GAB2: variants seen among roughly 807,000 people sequenced by gnomAD.
GAB2 encodes GRB2 associated binding protein 2.
A neutral mutation model predicts 65.5 loss-of-function variants in GAB2; 26 were observed. The observed-to-expected ratio is 0.40, with a 90% CI of 0.29 to 0.55. The LOEUF (loss-of-function observed/expected upper bound fraction) is 0.55, where lower values mean the gene tolerates loss of function less well. GAB2 is among the 20% of genes least tolerant of loss of function. The pLI, the probability that GAB2 is intolerant of heterozygous loss-of-function variation, is 0.53. For missense variants in GAB2, 884 were observed against 875.8 expected (o/e 1.01, Z -0.12); for synonymous variants, 321 against 329.6 (o/e 0.97, Z 0.28).
intron 1 of GAB2, among the ~76,000 whole-genome samples, chr11:78,309,722 C>G (rs968640321): frequency 6.6e-6 from 1 of 152,106 alleles, no homozygotes; most frequent in Non-Finnish European, 1.5e-5. Flanking sequence ...TCTTAATTTG[C>G]TTCTCTATTT....
Position 78,218,310 on chromosome 11 carries a change from C to G in GAB2, c.*962G>C, listed in dbSNP as rs1369849937. 1 of 153,140 alleles carries G rather than the reference C, an allele frequency of 6.5e-6. No individual in the cohort carries two copies. The highest frequency in any genetic ancestry group is 2.4e-5 in the African/African-American group (1 of 41,460). 9.5% of individuals were successfully genotyped at this position (153,140 alleles called of 1,614,324 possible). A position where few individuals can be genotyped will look rare whatever the true frequency, so the allele number is the denominator to read the frequency against. On this transcript the variant is annotated 3_prime_UTR_variant, in exon 10 of 10. Coordinates refer to ENST00000361507, the MANE Select transcript of GAB2 (RefSeq NM_080491.3). ...CCACACCACACTCCCTCCCATATTC[C>G]CCACCCCTTTACCATGTGTTCCTGC...
chr11:78,346,720 T>TATA (rs1856195345), intron 1 of GAB2, among the ~76,000 whole-genome samples: 1 of 63,880 alleles, frequency 1.6e-5, no homozygotes, highest in Non-Finnish European at 2.8e-5. Flanking sequence ...TATATATATA[T>TATA]AATTTTTTTT....
intron 1 of GAB2, among the ~76,000 whole-genome samples, chr11:78,407,984 T>C (rs1343275732): frequency 1.3e-5 from 2 of 152,008 alleles, no homozygotes; most frequent in African/African-American, 4.8e-5. Flanking sequence ...TGAGACCTTC[T>C]CAGGTGAAGG....
In GAB2 at chr11:78,232,876, A is replaced by C. The variant is rs1590951094; in HGVS notation, c.621-5825T>G. 2.0e-5 allele frequency among the ~76,000 whole-genome samples: 3 copies of C among 152,296 alleles called. 1 individual carries two copies. Among genetic ancestry groups the C allele is most frequent in the Middle Eastern group, 3.4e-3 (1 of 294 alleles). On this transcript the variant is annotated intron_variant, in intron 3 of 9. Transcript: ENST00000361507. ...ATACCCCCTACTCAAAAATAATCTT[A>C]CAGGATTACTTTGGAGATCATATGA...
chr11:78,387,440 T>C (rs1458479865), intron 1 of GAB2, among the ~76,000 whole-genome samples: 1 of 152,176 alleles, frequency 6.6e-6, no homozygotes, highest in African/African-American at 2.4e-5. Flanking sequence ...CAAGTTCTCA[T>C]CAAGTTTATA....
At chr11:78,356,843 G>T (rs1856365704) in intron 1 of GAB2, among the ~76,000 whole-genome samples, 2 of 152,196 alleles carry the variant, frequency 1.3e-5, no homozygotes, top group Non-Finnish European at 2.9e-5. Context: ...ATTCTGAAAT[G>T]TTACAATATG....
intron 1 of GAB2, among the ~76,000 whole-genome samples, chr11:78,378,296 C>A (rs1856656390): frequency 6.6e-6 from 1 of 152,142 alleles, no homozygotes; most frequent in African/African-American, 2.4e-5. Flanking sequence ...CAATGAGCGC[C>A]CTTGGGCCAT....
At chr11:78,390,913 A>G (rs1223026776) in intron 1 of GAB2, among the ~76,000 whole-genome samples, 1 of 152,236 alleles carries the variant, frequency 6.6e-6, no homozygotes, top group Non-Finnish European at 1.5e-5. Context: ...CTGGAGATCA[A>G]TAACGCAGAT....
intron 1 of GAB2, among the ~76,000 whole-genome samples, chr11:78,292,186 A>C (rs535965817): frequency 1.3e-5 from 2 of 152,344 alleles, no homozygotes; most frequent in South Asian, 4.1e-4. Context: ...GATTAACCAT[A>C]AACCTCACTT....
At chr11:78,416,671 C>T (rs1857200312) in intron 1 of GAB2, among the ~76,000 whole-genome samples, 1 of 152,076 alleles carries the variant, frequency 6.6e-6, no homozygotes, top group Admixed American at 6.5e-5. Context: ...CTTACCCCCA[C>T]TTCCAAACTC....
chr11:78,407,657 G>GAAAGAAAGAAAGAAAGAAAGAGA (rs1591094033), intron 1 of GAB2, among the ~76,000 whole-genome samples: 3 of 135,400 alleles, frequency 2.2e-5, no homozygotes, highest in Non-Finnish European at 4.7e-5. Flanking sequence ...AAGAAAGAAA[G>GAAAGAAAGAAAGAAAGAAAGAGA]TAAGAAAGAA....
chr11:78,346,097 C>G (rs1190249248), intron 1 of GAB2, among the ~76,000 whole-genome samples: 1 of 152,074 alleles, frequency 6.6e-6, no homozygotes, highest in Non-Finnish European at 1.5e-5. Flanking sequence ...TACAGAGACC[C>G]AGGACAATCA....
intron 2 of GAB2, among the ~76,000 whole-genome samples, chr11:78,279,831 T>G (rs958113621): frequency 2.6e-5 from 4 of 152,214 alleles, no homozygotes; most frequent in African/African-American, 9.6e-5. Flanking sequence ...TTCCACTTTT[T>G]GGCTATTATG....
chr11:78,327,412 G>T (rs1444759248), intron 1 of GAB2, among the ~76,000 whole-genome samples: 1 of 152,152 alleles, frequency 6.6e-6, no homozygotes, highest in Non-Finnish European at 1.5e-5. Context: ...AACAATATCT[G>T]CAATGAGCCT....
intron 1 of GAB2, among the ~76,000 whole-genome samples, chr11:78,288,241 T>C (rs1866542676): frequency 6.6e-6 from 1 of 150,806 alleles, no homozygotes; most frequent in Non-Finnish European, 1.5e-5. Flanking sequence ...TAGCTAGGCA[T>C]GGTGGTGGGT....
chr11:78,380,220 T>TC (rs908737767), intron 1 of GAB2, among the ~76,000 whole-genome samples: 10 of 151,940 alleles, frequency 6.6e-5, no homozygotes, highest in African/African-American at 2.4e-4. Flanking sequence ...GAACTTTTTT[T>TC]TTTTTTGAGA....
At chr11:78,410,939 C>T (rs575831753) in intron 1 of GAB2, among the ~76,000 whole-genome samples, 2 of 151,848 alleles carry the variant, frequency 1.3e-5, no homozygotes, top group South Asian at 2.1e-4. Context: ...GCTTAAGCTC[C>T]GGAGTGTGAG....
At chr11:78,352,162 G>A (rs1291408128) in intron 1 of GAB2, among the ~76,000 whole-genome samples, 1 of 152,158 alleles carries the variant, frequency 6.6e-6, no homozygotes, top group Non-Finnish European at 1.5e-5. Flanking sequence ...GCAGTAAGCC[G>A]AGATGGCGCC....
chr11:78,402,520 C>A (rs767996900), intron 1 of GAB2, among the ~76,000 whole-genome samples: 4 of 152,000 alleles, frequency 2.6e-5, no homozygotes, highest in Non-Finnish European at 5.9e-5. Context: ...ACCTCCGCCT[C>A]CCAGGTTCAA....
Sources: gnomAD v4.1 joint callset for allele counts (sites outside exome capture counted in the v4.1 genomes callset) on GRCh38, gnomAD v4.1.1 for gene constraint, MANE v1.5 for transcripts, NCBI Gene and HGNC (gene_info 2026-07-23, HGNC 2026-07-21) for gene names.